SLC8A3: variants seen among roughly 807,000 people sequenced by gnomAD.
The protein encoded by SLC8A3 is solute carrier family 8 member A3.
In SLC8A3, 37 loss-of-function variants were observed where a neutral mutation model predicts 65.4. The ratio of observed to expected loss-of-function variants is 0.57; its 90% CI spans 0.44 to 0.74. The LOEUF (loss-of-function observed/expected upper bound fraction) is 0.74, where lower values mean the gene tolerates loss of function less well. Among genes scored for constraint, SLC8A3 ranks in the 30% least tolerant of loss-of-function variants. SLC8A3 has a pLI of 0.00. For synonymous variants in SLC8A3, 461 were observed against 444.5 expected, an observed-to-expected ratio of 1.04 and a Z score of -0.47; for missense variants, 1,112 against 1,172.1, an observed-to-expected ratio of 0.95 and a Z score of 0.75.
At chr14:70,080,248 C>T in intron 2 of SLC8A3, 1 of 985,066 alleles carries the variant, frequency 1.0e-6, no homozygotes. Flanking sequence ...TTTTTTATAC[C>T]ACTGTGTTGC....
intron 2 of SLC8A3, among the ~76,000 whole-genome samples, chr14:70,090,685 T>C (rs890180598): frequency 5.9e-5 from 9 of 152,226 alleles, no homozygotes; most frequent in African/African-American, 2.2e-4. Context: ...TCCTGATTCA[T>C]ATAGAAGTAT....
chr14:70,071,613 C>T (rs1245324105), intron 2 of SLC8A3, among the ~76,000 whole-genome samples: 3 of 152,132 alleles, frequency 2.0e-5, no homozygotes, highest in African/African-American at 7.2e-5. Flanking sequence ...GCGTATATGT[C>T]CTCAGAGCCT....
chr14:70,098,336 C>T (rs1892328913), intron 2 of SLC8A3, among the ~76,000 whole-genome samples: 1 of 151,942 alleles, frequency 6.6e-6, no homozygotes, highest in Admixed American at 6.6e-5. Context: ...ATACAGTCAC[C>T]TCCCCCTTTC....
intron 2 of SLC8A3, among the ~76,000 whole-genome samples, chr14:70,149,745 C>T (rs1051955339): frequency 2.6e-5 from 4 of 152,192 alleles, no homozygotes; most frequent in Non-Finnish European, 4.4e-5. Context: ...TTTGCCCATC[C>T]TCCTCCCAGC....
rs12878498 is a variant in SLC8A3 at position 70,168,051 on chromosome 14, G to T, written c.372C>A (p.Thr124=). The part of the protein sequence containing the change: ...IKKPNGETST[T]TIRVWNETVS... Reference sequence around the variant, plus strand: ...CAGTTTCATTCCAGACCCGAATAGTGGTTGTGCTGGTTTCTCCATTGGGTT... The same window carrying T: ...CAGTTTCATTCCAGACCCGAATAGTTGTTGTGCTGGTTTCTCCATTGGGTT... The change falls in exon 2 of 7, where the codon ACC becomes ACA. Residue 124 remains threonine (T), a synonymous_variant. Coordinates refer to ENST00000356921, the MANE Select transcript of SLC8A3 (RefSeq NM_182932.3). 0.024 allele frequency: 38,159 copies of T among 1,614,096 alleles called. 571 individuals are homozygous for T. Among genetic ancestry groups the T allele is most frequent in the South Asian group, 0.035 (3,163 of 91,068 alleles).
intron 2 of SLC8A3, among the ~76,000 whole-genome samples, chr14:70,096,914 C>T (rs74061051): frequency 0.041 from 6,303 of 152,166 alleles, 439 homozygotes; most frequent in African/African-American, 0.15. Flanking sequence ...CAAAGATAAA[C>T]AAAGAGATAA....
At chr14:70,155,771 C>A (rs986877206) in intron 2 of SLC8A3, among the ~76,000 whole-genome samples, 1 of 152,236 alleles carries the variant, frequency 6.6e-6, no homozygotes, top group Non-Finnish European at 1.5e-5. Context: ...TACGGAGTTA[C>A]CATCATCAAA....
rs1374053970 is a variant in SLC8A3 at position 70,046,449 on chromosome 14, G to A, written c.2390-126C>T. 2 of 947,922 alleles carry A rather than the reference G, an allele frequency of 2.1e-6. No homozygotes were observed. The highest frequency in any genetic ancestry group is 3.3e-5 in the African/African-American group (2 of 60,766). The allele number at this position is 947,922 out of a possible 1,614,324, so 58.7% of individuals were successfully genotyped here. ...CCCAGGAATGAGAGACAAGGGCTAG[G>A]GGGCCACTCCTAACTCCTAGTTCTG... On this transcript the variant is annotated intron_variant, in intron 6 of 6. Coordinates refer to ENST00000356921, the MANE Select transcript of SLC8A3 (RefSeq NM_182932.3). This position sits in a 1 kb window ranked among gnomAD's most constrained non-coding sequence, Gnocchi z 4.2.
At chr14:70,078,804 A>G (rs995478522) in intron 2 of SLC8A3, among the ~76,000 whole-genome samples, 1 of 152,178 alleles carries the variant, frequency 6.6e-6, no homozygotes, top group African/African-American at 2.4e-5. Context: ...TATTAGATGG[A>G]TTTCATGATT....
rs1345271995 is a variant in SLC8A3 at position 70,046,329 on chromosome 14, A to G, written c.2390-6T>C. The G allele has an allele frequency of 6.3e-7, 1 of 1,598,384 alleles. No individual in the cohort carries two copies. The highest frequency in any genetic ancestry group is 1.1e-5 in the South Asian group (1 of 87,958). Reference sequence around the variant, plus strand: ...AGCTTTGCTGGCAAACGTATCTGGAAAAGGACAAAGACACATGGGAACTGG... The same window carrying G: ...AGCTTTGCTGGCAAACGTATCTGGAGAAGGACAAAGACACATGGGAACTGG... On this transcript the variant is annotated splice_region_variant and splice_polypyrimidine_tract_variant and intron_variant, in intron 6 of 6. Coordinates refer to ENST00000356921, the MANE Select transcript of SLC8A3 (RefSeq NM_182932.3). The surrounding 1 kb of genome is among the most constrained non-coding windows in gnomAD (Gnocchi z 4.2).
chr14:70,109,517 T>C (rs2140137231), intron 2 of SLC8A3, among the ~76,000 whole-genome samples: 1 of 151,670 alleles, frequency 6.6e-6, no homozygotes, highest in East Asian at 1.9e-4. Context: ...TGCAGTGGCG[T>C]AATCTCAGTT....
At chr14:70,159,692 A>G (rs1171795710) in intron 2 of SLC8A3, among the ~76,000 whole-genome samples, 1 of 152,212 alleles carries the variant, frequency 6.6e-6, no homozygotes, top group Admixed American at 6.5e-5. Flanking sequence ...TAAGACCCAG[A>G]AGAGTCCAGA....
chr14:70,167,108 A>G lies in SLC8A3; in HGVS notation c.1315T>C (p.Ser439Pro). The change falls in exon 2 of 7, where the codon TCT becomes CCT. Residue 439 changes from serine (S) to proline (P), a missense_variant. By Grantham distance (74) the Ser-to-Pro change is moderately conservative. Coordinates refer to ENST00000356921, the MANE Select transcript of SLC8A3 (RefSeq NM_182932.3). ...MYVDYKTEDGSANAGADYEFT... is the reference protein window; with the variant it reads ...MYVDYKTEDGPANAGADYEFT... ...TCATAGTCAGCCCCTGCATTGGCAG[A>G]ACCATCCTCTGTTTTGTAGTCCACA... 1.9e-6 allele frequency: 3 copies of G among 1,614,172 alleles called. No homozygotes were observed. Among genetic ancestry groups the G allele is most frequent in the Non-Finnish European group, 2.5e-6 (3 of 1,180,028 alleles).
intron 2 of SLC8A3, among the ~76,000 whole-genome samples, chr14:70,097,220 TG>T (rs1482191872): frequency 6.6e-6 from 1 of 151,968 alleles, no homozygotes; most frequent in Non-Finnish European, 1.5e-5. Context: ...GAATGAAATT[TG>T]TGAAAATCTT....
chr14:70,153,007 C>T, intron 2 of SLC8A3, among the ~76,000 whole-genome samples: 1 of 152,156 alleles, frequency 6.6e-6, no homozygotes, highest in East Asian at 1.9e-4. Flanking sequence ...GAGCTGGTGC[C>T]CAGGCAGGCG....
chr14:70,163,789 A>C (rs1322738710), intron 2 of SLC8A3, among the ~76,000 whole-genome samples: 6 of 152,168 alleles, frequency 3.9e-5, no homozygotes, highest in Non-Finnish European at 8.8e-5. Flanking sequence ...ACTTGTTAGA[A>C]ATGCGGAATC....
chr14:70,186,096 C>T (rs1368714680), intron 1 of SLC8A3, among the ~76,000 whole-genome samples: 2 of 152,132 alleles, frequency 1.3e-5, no homozygotes, highest in Admixed American at 6.5e-5. Context: ...GTAATTGAAT[C>T]ATGGGGGCAG....
chr14:70,158,662 T>C (rs1896715958), intron 2 of SLC8A3, among the ~76,000 whole-genome samples: 2 of 152,196 alleles, frequency 1.3e-5, no homozygotes, highest in South Asian at 4.1e-4. Context: ...TGTATGTTAA[T>C]CCTTAGCTAG....
intron 2 of SLC8A3, among the ~76,000 whole-genome samples, chr14:70,110,720 A>T (rs10143366): frequency 6.9e-6 from 1 of 145,366 alleles, no homozygotes; most frequent in Non-Finnish European, 1.5e-5. Flanking sequence ...TCGCTCTTTC[A>T]CCCAGGCCAG....
Sources: allele counts gnomAD v4.1 joint callset (sites outside exome capture counted in the v4.1 genomes callset), GRCh38; gene constraint gnomAD v4.1.1; non-coding constraint Gnocchi (gnomAD v3.1); transcripts MANE v1.5; gene names NCBI Gene and HGNC (gene_info 2026-07-23, HGNC 2026-07-21).